The following AK8 variants were observed in gnomAD, a reference collection of about 807,000 sequenced individuals.
The protein encoded by AK8 is adenylate kinase 8, also known as ATP-AMP transphosphorylase 8.
In AK8, 44 loss-of-function variants were observed where a neutral mutation model predicts 54.6. The observed-to-expected ratio is 0.81, with a 90% CI of 0.63 to 1.04. The LOEUF (loss-of-function observed/expected upper bound fraction) is 1.04, where lower values mean the gene tolerates loss of function less well. Ranked by LOEUF, AK8 falls within the 50% of genes least tolerant of loss-of-function variation. The pLI, the probability that AK8 is intolerant of heterozygous loss-of-function variation, is 0.00. For synonymous variants in AK8, 239 were observed against 245.6 expected (o/e 0.97, Z 0.25); for missense variants, 555 against 613.6 (o/e 0.90, Z 1.01).
At position 132,727,538 on chromosome 9, in the gene AK8, T is replaced by A; in HGVS notation, c.1122-4A>T. ...TGGCACATTCAGGAAAAACACCCTA[T>A]AAGGAAATAAACCATATTAATAATG... On this transcript the variant is annotated splice_polypyrimidine_tract_variant and splice_region_variant and intron_variant, in intron 11 of 12. Transcript: ENST00000298545. 1 of 1,612,430 alleles carries A rather than the reference T, an allele frequency of 6.2e-7. No individual in the cohort carries two copies. The highest frequency in any genetic ancestry group is 8.5e-7 in the Non-Finnish European group (1 of 1,178,486).
rs144358054 is a variant in AK8, at chr9:132,870,409, C to G, written c.170-3456G>C. Reference sequence around the variant, plus strand: ...AAAGGAAATCAAAAAACCTTTCCATCCACAGATCCTTTTGAGGTTTAACTA... The same window carrying G: ...AAAGGAAATCAAAAAACCTTTCCATGCACAGATCCTTTTGAGGTTTAACTA... On this transcript the variant is annotated intron_variant, in intron 2 of 12. Transcript: ENST00000298545. 4.3e-3 allele frequency among the ~76,000 whole-genome samples: 658 copies of G among 152,356 alleles called. 5 individuals carry two copies. The highest frequency in any genetic ancestry group is 7.3e-3 in the Non-Finnish European group (497 of 68,034).
chr9:132,747,365 C>T (rs887061822), intron 11 of AK8, among the ~76,000 whole-genome samples: 4 of 150,044 alleles, frequency 2.7e-5, no homozygotes, highest in East Asian at 1.9e-4. Context: ...ATGTTGGCCA[C>T]GATGGTCTCA....
chr9:132,737,433 A>G (rs1837173634), intron 11 of AK8, among the ~76,000 whole-genome samples: 1 of 152,214 alleles, frequency 6.6e-6, no homozygotes, highest in Admixed American at 6.5e-5. Flanking sequence ...AAGACATTAA[A>G]ACTACAGACC....
intron 5 of AK8, among the ~76,000 whole-genome samples, chr9:132,839,306 C>T (rs1310760953): frequency 6.6e-6 from 1 of 152,188 alleles, no homozygotes; most frequent in Non-Finnish European, 1.5e-5. Context: ...TGGCTTAGTT[C>T]TGGCCTTCAT....
intron 5 of AK8, among the ~76,000 whole-genome samples, chr9:132,854,073 T>C (rs1026520021): frequency 6.6e-6 from 1 of 152,024 alleles, no homozygotes; most frequent in African/African-American, 2.4e-5. Flanking sequence ...TGGTGATGCA[T>C]GCCTGTAGTC....
At position 132,780,235 on chromosome 9, in the gene AK8, C is replaced by T. The variant is rs558761046; in HGVS notation, c.1121+12399G>A. On this transcript the variant is annotated intron_variant, in intron 11 of 12. Coordinates refer to ENST00000298545, the MANE Select transcript of AK8 (RefSeq NM_152572.3). ...AGAGAGGAAGTTGAGAAAGGCAGAGCAGAGATGCCCTGTGCAAAGCCATGG... is the reference window on the plus strand; with the variant it reads ...AGAGAGGAAGTTGAGAAAGGCAGAGTAGAGATGCCCTGTGCAAAGCCATGG... 5.3e-4 allele frequency among the ~76,000 whole-genome samples: 80 copies of T among 152,272 alleles called. No individual in the cohort carries two copies. The South Asian group carries it at 0.016, about 31-fold the overall frequency.
intron 11 of AK8, among the ~76,000 whole-genome samples, chr9:132,776,678 G>T (rs976759799): frequency 2.0e-5 from 3 of 152,168 alleles, no homozygotes; most frequent in African/African-American, 7.2e-5. Flanking sequence ...TCTCTTCAAG[G>T]CCACCTCCAT....
At chr9:132,768,868 C>G (rs1017587684) in intron 11 of AK8, 7 of 152,066 alleles carry the variant, frequency 4.6e-5, no homozygotes, top group African/African-American at 1.7e-4. Flanking sequence ...AAGCAAGTTA[C>G]AGAAGGATAT....
At chr9:132,874,600 G>A (rs1212888593) in intron 2 of AK8, among the ~76,000 whole-genome samples, 2 of 152,222 alleles carry the variant, frequency 1.3e-5, no homozygotes, top group African/African-American at 2.4e-5. Context: ...TCTGTGCTCC[G>A]GCCTTGGGTC....
intron 11 of AK8, among the ~76,000 whole-genome samples, chr9:132,785,262 C>T (rs1839644571): frequency 6.6e-6 from 1 of 152,096 alleles, no homozygotes; most frequent in Non-Finnish European, 1.5e-5. Context: ...CACCACCATG[C>T]CCGGCTAATT....
At chr9:132,836,779 C>T (rs1444470178) in intron 5 of AK8, among the ~76,000 whole-genome samples, 4 of 152,246 alleles carry the variant, frequency 2.6e-5, no homozygotes, top group Non-Finnish European at 5.9e-5. Flanking sequence ...CATCACTTGG[C>T]CAGCTGCCCT....
rs73545192 is a variant in AK8 at position 132,735,555 on chromosome 9, A to T, written c.1122-8021T>A. Among the ~76,000 whole-genome samples the T allele has an allele frequency of 1.1e-3, 168 of 149,236 alleles. 1 individual carries two copies. Among genetic ancestry groups the T allele is most frequent in the African/African-American group, 3.6e-3 (146 of 40,596 alleles). ...TCAGTAGAATGACTATTACACATTT[A>T]AAAAAAAAACCCATAAAGTAAGTGT... On this transcript the variant is annotated intron_variant, in intron 11 of 12. Coordinates refer to ENST00000298545, the MANE Select transcript of AK8 (RefSeq NM_152572.3).
rs147005476 is a variant in AK8, at chr9:132,875,785, G to C, written c.85-586C>G. Among the ~76,000 whole-genome samples, 67 of 152,284 alleles carry C rather than the reference G, an allele frequency of 4.4e-4. No individual in the cohort carries two copies. In the East Asian group the frequency reaches 0.013, roughly 29 times the overall value. ...TTCTGTGGGCCTCCTTGTCTGCCTA[G>C]AGCCCTTGGCACCCCAATACCTGGC... On this transcript the variant is annotated intron_variant, in intron 1 of 12. Coordinates refer to ENST00000298545, the MANE Select transcript of AK8 (RefSeq NM_152572.3).
At chr9:132,823,123 C>CA (rs1841720728) in intron 9 of AK8, 82 bp downstream of exon 9, 1 of 1,473,818 alleles carries the variant, frequency 6.8e-7, no homozygotes, top group Non-Finnish European at 9.0e-7. Flanking sequence ...CACCACCCCC[C>CA]ATAAAATGAG....
chr9:132,738,107 G>A (rs905254748), intron 11 of AK8, among the ~76,000 whole-genome samples: 3 of 151,382 alleles, frequency 2.0e-5, no homozygotes, highest in Admixed American at 6.6e-5. Flanking sequence ...AGGCTGCAGT[G>A]CAGTGGCACA....
Position 132,825,649 on chromosome 9 carries a change from C to A in AK8, c.757+1205G>T, listed in dbSNP as rs142668945. On this transcript the variant is annotated intron_variant, in intron 8 of 12. Transcript: ENST00000298545. ...GAGGGCGAGGCTGTTCAATCCACGC[C>A]GGCAAACACCGCATCTCCGAGCTCA... Among the ~76,000 whole-genome samples the A allele has an allele frequency of 2.0e-3, 305 of 152,248 alleles. 3 individuals carry two copies. The highest frequency in any genetic ancestry group is 6.6e-3 in the African/African-American group (274 of 41,542).
chr9:132,858,965 G>A (rs552290743), intron 4 of AK8, among the ~76,000 whole-genome samples: 1 of 152,184 alleles, frequency 6.6e-6, no homozygotes, highest in African/African-American at 2.4e-5. Context: ...TCCCTGGGTA[G>A]AGCAGTCACC....
chr9:132,771,933 C>T (rs1838995458), intron 11 of AK8, among the ~76,000 whole-genome samples: 1 of 152,194 alleles, frequency 6.6e-6, no homozygotes, highest in Admixed American at 6.5e-5. Flanking sequence ...AGGAGCAAGT[C>T]ACATCTTATA....
chr9:132,877,290 G>A (rs1844160470), intron 1 of AK8, among the ~76,000 whole-genome samples: 1 of 152,206 alleles, frequency 6.6e-6, no homozygotes, highest in Admixed American at 6.5e-5. Context: ...AAATGTGTTT[G>A]ATGGAGGTGC....
Sources: allele counts gnomAD v4.1 joint callset (sites outside exome capture counted in the v4.1 genomes callset), GRCh38; gene constraint gnomAD v4.1.1; transcripts MANE v1.5; gene names NCBI Gene and HGNC (gene_info 2026-07-23, HGNC 2026-07-21).